Variants in ZNF25 observed in about 807,000 individuals in gnomAD.
ZNF25 encodes zinc finger protein 25 (KOX 19).
In ZNF25, 21 loss-of-function variants were observed where a neutral mutation model predicts 30.9. The observed-to-expected ratio is 0.68, with a 90% confidence interval of 0.48 to 0.98. The LOEUF (loss-of-function observed/expected upper bound fraction) is 0.98, where lower values mean the gene tolerates loss of function less well. Among genes scored for constraint, ZNF25 ranks in the 50% least tolerant of loss-of-function variants. The probability of loss-of-function intolerance (pLI) is 0.00; values close to 1 mark genes in which losing one functional copy is unlikely to be tolerated. For synonymous variants in ZNF25, 169 were observed against 181.3 expected, an observed-to-expected ratio of 0.93 and a Z score of 0.55; for missense variants, 501 against 529.9, an observed-to-expected ratio of 0.95 and a Z score of 0.54.
At chr10:37,974,436 T>C (rs972007464) in intron 1 of ZNF25, among the ~76,000 whole-genome samples, 1 of 152,130 alleles carries the variant, frequency 6.6e-6, no homozygotes, top group African/African-American at 2.4e-5. Context: ...AAAAATTTGA[T>C]TTAAAAAAAT....
chr10:37,958,761 A>AC (rs1379119197), intron 2 of ZNF25, among the ~76,000 whole-genome samples: 1 of 152,112 alleles, frequency 6.6e-6, no homozygotes, highest in Non-Finnish European at 1.5e-5. Context: ...AAAAAAAAAA[A>AC]ATTAGGCTGG....
At chr10:37,975,438 G>A (rs2063753954) in intron 1 of ZNF25, among the ~76,000 whole-genome samples, 1 of 151,600 alleles carries the variant, frequency 6.6e-6, no homozygotes, top group Non-Finnish European at 1.5e-5. Context: ...CTAGCATGGT[G>A]CTTACGAAAT....
intron 2 of ZNF25, among the ~76,000 whole-genome samples, chr10:37,971,219 G>C (rs2063469139): frequency 6.6e-6 from 1 of 151,640 alleles, no homozygotes; most frequent in South Asian, 2.1e-4. Flanking sequence ...ATGAGGCTGA[G>C]GCAGGAGAAT....
chr10:37,973,408 G>A (rs1274371359), intron 1 of ZNF25, among the ~76,000 whole-genome samples: 2 of 151,848 alleles, frequency 1.3e-5, no homozygotes, highest in Non-Finnish European at 2.9e-5. Context: ...CTGAGGTCAG[G>A]AGTTCAAAAT....
intron 1 of ZNF25, among the ~76,000 whole-genome samples, chr10:37,974,559 T>C (rs2063690365): frequency 6.6e-6 from 1 of 152,148 alleles, no homozygotes; most frequent in African/African-American, 2.4e-5. Context: ...ATCAAAACCA[T>C]AATGGGATAT....
At chr10:37,953,357 G>A (rs1433424382) in intron 5 of ZNF25, 162 bp from the exon 6 acceptor site, 1 of 674,420 alleles carries the variant, frequency 1.5e-6, no homozygotes, top group East Asian at 2.7e-5. Context: ...AGCATTCTCT[G>A]ACCTGCACTG....
At chr10:37,967,509 C>T (rs1384993055) in intron 2 of ZNF25, among the ~76,000 whole-genome samples, 1 of 151,758 alleles carries the variant, frequency 6.6e-6, no homozygotes, top group Non-Finnish European at 1.5e-5. Context: ...TCCCCAGGCT[C>T]AGGTGATGCC....
At position 37,957,511 on chromosome 10, in the gene ZNF25, G is replaced by A. The variant is rs148597669; in HGVS notation, c.51C>T (p.Phe17=). 1 of 1,613,582 alleles carries A rather than the reference G, an allele frequency of 6.2e-7. No individual in the cohort carries two copies. The highest frequency in any genetic ancestry group is 8.5e-7 in the Non-Finnish European group (1 of 1,179,814). Residue 17 remains phenylalanine (F), a synonymous_variant, in exon 3 of 6, where the codon TTC becomes TTT. Coordinates refer to ENST00000302609, the MANE Select transcript of ZNF25 (RefSeq NM_145011.4). ...PVTLKDVIVE[F]TKEEWKLLTP... is the part of the protein sequence containing the mutation. ...TCAGTAACTTCCATTCTTCCTTGGT[G>A]AATTCCACAATAACATCCTTTAATG...
chr10:37,956,909 C>CT (rs1422776762), intron 4 of ZNF25, 111 bp downstream of exon 4: 1 of 691,102 alleles, frequency 1.4e-6, no homozygotes, highest in Non-Finnish European at 2.2e-6. Flanking sequence ...GAGTGAAACT[C>CT]TGTTTCAAAA....
intron 2 of ZNF25, among the ~76,000 whole-genome samples, chr10:37,958,693 G>A (rs1017954045): frequency 6.6e-6 from 1 of 152,068 alleles, no homozygotes; most frequent in African/African-American, 2.4e-5. Context: ...GGTGATATGA[G>A]AGAATCGCAT....
rs370463039 is a variant in ZNF25, at chr10:37,953,557, G to T, written c.302+138C>A. The T allele has an allele frequency of 1.6e-4, 128 of 790,352 alleles. No homozygotes were observed. The East Asian group carries it at 2.6e-3, about 16-fold the overall frequency. 49.0% of individuals were successfully genotyped at this position (790,352 alleles called of 1,614,324 possible). Reference sequence around the variant, plus strand: ...CTATGAAAAGGGGCAGTCCCATTTGGATTATATTCCTTGGGATTTGCTCTG... The same window carrying T: ...CTATGAAAAGGGGCAGTCCCATTTGTATTATATTCCTTGGGATTTGCTCTG... On this transcript the variant is annotated intron_variant, in intron 5 of 5. Coordinates refer to ENST00000302609, the MANE Select transcript of ZNF25 (RefSeq NM_145011.4).
chr10:37,969,923 A>C lies in ZNF25; in HGVS notation c.15+1785T>G, dbSNP rs79272614. Among the ~76,000 whole-genome samples, 101 of 152,204 alleles carry C rather than the reference A, an allele frequency of 6.6e-4. 1 individual carries two copies. In the East Asian group the frequency reaches 0.015, roughly 22 times the overall value. The stretch of plus-strand genomic sequence containing the variant: ...AACCAAGAAAAAATAACCATTCTCG[A>C]CTCACTTTATAAGGCTCACATGACC... On this transcript the variant is annotated intron_variant, in intron 2 of 5. Coordinates refer to ENST00000302609, the MANE Select transcript of ZNF25 (RefSeq NM_145011.4).
chr10:37,962,137 G>A (rs1022900132), intron 2 of ZNF25, among the ~76,000 whole-genome samples: 1 of 151,506 alleles, frequency 6.6e-6, no homozygotes, highest in African/African-American at 2.4e-5. Flanking sequence ...AGCTACTCAG[G>A]AGGCTGAGGC....
chr10:37,958,072 A>G (rs1200762329), intron 2 of ZNF25, among the ~76,000 whole-genome samples: 3 of 151,590 alleles, frequency 2.0e-5, no homozygotes, highest in Non-Finnish European at 4.4e-5. Context: ...TCACCTAATG[A>G]TATGTTTCTC....
At chr10:37,975,935 G>A (rs973262344) in intron 1 of ZNF25, among the ~76,000 whole-genome samples, 3 of 152,126 alleles carry the variant, frequency 2.0e-5, no homozygotes, top group Non-Finnish European at 4.4e-5. Flanking sequence ...AATACTGTGG[G>A]TAAACGGATT....
At position 37,953,101 on chromosome 10, in the gene ZNF25, G is replaced by A. The variant is rs1453663010; in HGVS notation, c.397C>T (p.Leu133Phe). The change falls in exon 6 of 6, where the codon CTC (leucine) becomes TTC (phenylalanine). Residue 133 changes from leucine (L) to phenylalanine (F), a missense_variant. By Grantham distance (22) the Leu-to-Phe change is conservative. Coordinates refer to ENST00000302609, the MANE Select transcript of ZNF25 (RefSeq NM_145011.4). ...CGKFFCQKSA[L>F]IVHQHTHSKG... ...GAGTGAGTATGCTGATGTACTATGA[G>A]GGCAGACTTCTGGCAGAAGAACTTC... 14 of 1,613,456 alleles carry A rather than the reference G, an allele frequency of 8.7e-6. No homozygotes were observed. Among genetic ancestry groups the A allele is most frequent in the Non-Finnish European group, 1.2e-5 (14 of 1,179,912 alleles).
chr10:37,968,746 C>T (rs2063326597), intron 2 of ZNF25, among the ~76,000 whole-genome samples: 1 of 152,174 alleles, frequency 6.6e-6, no homozygotes, highest in East Asian at 1.9e-4. Context: ...CCAAATAACA[C>T]AACTCACCCT....
intron 2 of ZNF25, among the ~76,000 whole-genome samples, chr10:37,960,480 C>T (rs983190980): frequency 6.0e-5 from 9 of 150,652 alleles, no homozygotes; most frequent in African/African-American, 1.7e-4. Context: ...AAAAATTAGC[C>T]GGGCGTGGTG....
chr10:37,952,638 T>G lies in ZNF25; in HGVS notation c.860A>C (p.Lys287Thr). 3 of 1,613,832 alleles carry G rather than the reference T, an allele frequency of 1.9e-6. No individual in the cohort carries two copies. The highest frequency in any genetic ancestry group is 2.5e-6 in the Non-Finnish European group (3 of 1,179,942). Reference protein sequence around the residue: ...QRMHTGEKPYKCKECGKFFSR... With the variant: ...QRMHTGEKPYTCKECGKFFSR... ...GAAGAATTTCCCACATTCCTTACAT[T>G]TATAGGGTTTCTCCCCTGTGTGCAT... is the stretch of plus-strand genomic sequence containing the variant. The change falls in exon 6 of 6, where the codon AAA (lysine) becomes ACA (threonine). Residue 287 changes from lysine (K) to threonine (T), a missense_variant. Coordinates refer to ENST00000302609, the MANE Select transcript of ZNF25 (RefSeq NM_145011.4).
Sources: gnomAD v4.1 joint callset for allele counts (sites outside exome capture counted in the v4.1 genomes callset) on GRCh38, gnomAD v4.1.1 for gene constraint, MANE v1.5 for transcripts, NCBI Gene and HGNC (gene_info 2026-07-23, HGNC 2026-07-21) for gene names.